Variants in KRT84 observed in about 807,000 individuals in gnomAD.
KRT84 encodes keratin, type II cuticular Hb4.
A neutral mutation model predicts 49.0 loss-of-function variants in KRT84; 38 were observed. The ratio of observed to expected loss-of-function variants is 0.78; its 90% CI spans 0.60 to 1.02. The LOEUF is 1.02. KRT84 is among the 50% of genes least tolerant of loss of function. KRT84 has a pLI of 0.00. For missense variants in KRT84, 860 were observed against 788.6 expected, an observed-to-expected ratio of 1.09 and a Z score of -1.08; for synonymous variants, 334 against 312.8, an observed-to-expected ratio of 1.07 and a Z score of -0.72.
intron 3 of KRT84, 150 bp from the exon 4 acceptor site, chr12:52,382,682 T>A: frequency 1.5e-6 from 1 of 648,460 alleles, no homozygotes. Context: ...TTTGCTCATT[T>A]CCCTATTACA....
intron 4 of KRT84, 21 bp downstream of exon 4, chr12:52,382,416 C>T: frequency 6.4e-7 from 1 of 1,554,740 alleles, no homozygotes; most frequent in South Asian, 1.1e-5. Context: ...CTTGGGTGCC[C>T]TAGAGAAGAT....
chr12:52,383,838 G>C, intron 1 of KRT84, 40 bp from the exon 2 acceptor site: 1 of 1,550,700 alleles, frequency 6.4e-7, no homozygotes, highest in Non-Finnish European at 8.8e-7. Flanking sequence ...TGAAGTGCTT[G>C]ATAGGGTTCA....
At chr12:52,379,780 C>A (rs1468218508) in intron 8 of KRT84, 96 bp downstream of exon 8, 3 of 990,440 alleles carry the variant, frequency 3.0e-6, no homozygotes, top group Non-Finnish European at 4.8e-6. Flanking sequence ...GCCAGACCGG[C>A]CATGTCGGAC....
At chr12:52,385,006 T>G in intron 1 of KRT84, 34 bp downstream of exon 1, 1 of 1,575,458 alleles carries the variant, frequency 6.3e-7, no homozygotes, top group East Asian at 2.2e-5. Context: ...GGCTGTAATA[T>G]TCCTAGACCC....
chr12:52,381,254 C>T, intron 5 of KRT84, 49 bp from the exon 6 acceptor site: 1 of 1,610,776 alleles, frequency 6.2e-7, no homozygotes, highest in Non-Finnish European at 8.5e-7. Flanking sequence ...AGGTCAGGAT[C>T]ACAGCCCCCA....
intron 2 of KRT84, 104 bp from the exon 3 acceptor site, chr12:52,383,169 A>T: frequency 1.1e-6 from 1 of 897,558 alleles, no homozygotes; most frequent in Non-Finnish European, 1.9e-6. Flanking sequence ...GTGCAGGATC[A>T]TGGTTCCCTA....
rs1217830684 is a variant in KRT84, at chr12:52,378,275, C to G, written c.1562G>C (p.Cys521Ser). Residue 521 changes from cysteine (C) to serine (S), a missense_variant, in exon 9 of 9, where the codon TGT becomes TCT. Cys to Ser is a moderately radical substitution (Grantham distance 112). Transcript: ENST00000257951. ...GGAAGCCAGGACCCCACTGGTGGCA[C>G]AGACGCTGCTGCTACCTGAGAAGGT... ...GVTFSGSSSVCATSGVLASCG... is the reference protein window; with the variant it reads ...GVTFSGSSSVSATSGVLASCG... The G allele has an allele frequency of 1.3e-6, 2 of 1,550,308 alleles. No homozygotes were observed. The highest frequency in any genetic ancestry group is 3.9e-5 in the Admixed American group (2 of 51,774).
chr12:52,380,498 A>G lies in KRT84; in HGVS notation c.1289T>C (p.Leu430Pro), dbSNP rs1455303405. ...LSDAKCKLAD[L>P]ECALQQAKQD... ...CTTGGCCTGCTGCAGGGCACACTCCAGATCTGCCAGCTTGCATTTGGCATC... is the reference window on the plus strand; with the variant it reads ...CTTGGCCTGCTGCAGGGCACACTCCGGATCTGCCAGCTTGCATTTGGCATC... The change falls in exon 7 of 9, where the codon CTG becomes CCG. Residue 430 changes from leucine to proline, a missense_variant. Physicochemically the swap from Leu to Pro is moderately conservative, Grantham distance 98. Coordinates refer to ENST00000257951, the MANE Select transcript of KRT84 (RefSeq NM_033045.4). 2 of 1,613,960 alleles carry G rather than the reference A, an allele frequency of 1.2e-6. No individual in the cohort carries two copies. Among genetic ancestry groups the G allele is most frequent in the Non-Finnish European group, 1.7e-6 (2 of 1,179,948 alleles).
Position 52,383,035 on chromosome 12 carries a change from A to T in KRT84, c.786T>A (p.Asn262Lys). The change falls in exon 3 of 9, where the codon AAT (asparagine) becomes AAA (lysine). Residue 262 changes from asparagine (N) to lysine (K), a missense_variant. Coordinates refer to ENST00000257951, the MANE Select transcript of KRT84 (RefSeq NM_033045.4). Reference sequence around the variant, plus strand: ...TCAGAGCCACAAACTCATTCTCAGCATTGGCCCGACATACCACTTCCTCTT... The same window carrying T: ...TCAGAGCCACAAACTCATTCTCAGCTTTGGCCCGACATACCACTTCCTCTT... The part of the protein sequence containing the change: ...KYEEEVVCRA[N>K]AENEFVALKK... 1.2e-6 allele frequency: 2 copies of T among 1,613,982 alleles called. No individual in the cohort carries two copies. The highest frequency in any genetic ancestry group is 1.3e-5 in the African/African-American group (1 of 75,014).
intron 1 of KRT84, 115 bp from the exon 2 acceptor site, chr12:52,383,913 T>A: frequency 1.2e-6 from 1 of 802,652 alleles, no homozygotes; most frequent in South Asian, 1.7e-5. Context: ...GGTTCTCTCC[T>A]CTGCTGACTT....
At position 52,382,493 on chromosome 12, in the gene KRT84, C is replaced by A; in HGVS notation, c.856G>T (p.Ala286Ser). Residue 286 changes from alanine to serine, a missense_variant, in exon 4 of 9, where the codon GCC (alanine) becomes TCC (serine). Coordinates refer to ENST00000257951, the MANE Select transcript of KRT84 (RefSeq NM_033045.4). ...AAFMNKSDLE[A>S]NVDTLTQEID... ...TCCTGAGTTAGGGTATCCACGTTGGCCTCGAGATCAGACTTGTTCATGAAA... is the reference window on the plus strand; with the variant it reads ...TCCTGAGTTAGGGTATCCACGTTGGACTCGAGATCAGACTTGTTCATGAAA... 1 of 1,614,088 alleles carries A rather than the reference C, an allele frequency of 6.2e-7. No individual in the cohort carries two copies. Among genetic ancestry groups the A allele is most frequent in the Non-Finnish European group, 8.5e-7 (1 of 1,179,966 alleles).
Position 52,381,131 on chromosome 12 carries a change from C to A in KRT84, c.1152G>T (p.Leu384=). 6.2e-7 allele frequency: 1 copy of A among 1,614,156 alleles called. No homozygotes were observed. Among genetic ancestry groups the A allele is most frequent in the Non-Finnish European group, 8.5e-7 (1 of 1,180,034 alleles). The change falls in exon 6 of 9, where the codon CTG becomes CTT. Residue 384 remains leucine (L), a synonymous_variant. Coordinates refer to ENST00000257951, the MANE Select transcript of KRT84 (RefSeq NM_033045.4). ...CCTTAAGCCTCTGGATCAGGCGGGT[C>A]AGTTCGTTGATCTCGTTCCGTATGT... ...LRNIRNEINE[L]TRLIQRLKAE... is the part of the protein sequence containing the mutation.
intron 8 of KRT84, 85 bp downstream of exon 8, chr12:52,379,791 G>A (rs1050938608): frequency 2.5e-5 from 28 of 1,120,936 alleles, no homozygotes; most frequent in Admixed American, 8.7e-5. Flanking sequence ...CATGTCGGAC[G>A]CCTCCTGACC....
Position 52,385,283 on chromosome 12 carries a change from G to T in KRT84, c.303C>A (p.Ser101Arg). The change falls in exon 1 of 9, where the codon AGC (serine) becomes AGA (arginine). Residue 101 changes from serine (S) to arginine (R), a missense_variant. Transcript: ENST00000257951. ...RGVGLGPRADSCVGLGFGAGS... is the reference protein window; with the variant it reads ...RGVGLGPRADRCVGLGFGAGS... ...CAGCTCCAAAGCCCAGACCAACACA[G>T]CTGTCAGCCCTAGGCCCCAGACCAA... 1 of 1,614,036 alleles carries T rather than the reference G, an allele frequency of 6.2e-7. No individual in the cohort carries two copies. Among genetic ancestry groups the T allele is most frequent in the South Asian group, 1.1e-5 (1 of 91,054 alleles).
chr12:52,378,133 G>A lies in KRT84; in HGVS notation c.1704C>T (p.Cys568=), dbSNP rs1939417207. ...ISEACVPSVP[C]PLPTQGGFSS... The stretch of plus-strand genomic sequence containing the variant: ...TGAAGCCCCCCTGGGTGGGCAGGGG[G>A]CAGGGGACGCTGGGGACACAGGCCT... The change falls in exon 9 of 9, where the codon TGC becomes TGT. Residue 568 remains cysteine, a synonymous_variant. Coordinates refer to ENST00000257951, the MANE Select transcript of KRT84 (RefSeq NM_033045.4). 4 of 1,561,434 alleles carry A rather than the reference G, an allele frequency of 2.6e-6. No homozygotes were observed. Among genetic ancestry groups the A allele is most frequent in the South Asian group, 2.4e-5 (2 of 82,406 alleles).
At position 52,381,215 on chromosome 12, in the gene KRT84, G is replaced by C. The variant is rs1166591271; in HGVS notation, c.1078-10C>G. 1 of 1,614,058 alleles carries C rather than the reference G, an allele frequency of 6.2e-7. No individual in the cohort carries two copies. Among genetic ancestry groups the C allele is most frequent in the East Asian group, 2.2e-5 (1 of 44,874 alleles). On this transcript the variant is annotated splice_polypyrimidine_tract_variant and intron_variant, in intron 5 of 8. Coordinates refer to ENST00000257951, the MANE Select transcript of KRT84 (RefSeq NM_033045.4). ...CCTGCATCTCTTCATACTGCGGAGA[G>C]AGGAGGGTATTTTGAGGGTTCGGAG...
intron 3 of KRT84, 33 bp from the exon 4 acceptor site, chr12:52,382,565 G>C (rs200591928): frequency 1.9e-6 from 3 of 1,539,822 alleles, no homozygotes; most frequent in Non-Finnish European, 1.8e-6. Flanking sequence ...AATACTCATC[G>C]CCTGGGCACT....
Position 52,385,200 on chromosome 12 carries a change from A to G in KRT84, c.386T>C (p.Val129Ala), listed in dbSNP as rs1219502130. 1 of 1,611,250 alleles carries G rather than the reference A, an allele frequency of 6.2e-7. No homozygotes were observed. The highest frequency in any genetic ancestry group is 8.5e-7 in the Non-Finnish European group (1 of 1,178,158). ...GATAGATGGGGCTGCTGGGACTCCAACCCCTCCAACTCTGTAACCAAAGCC... is the reference window on the plus strand; with the variant it reads ...GATAGATGGGGCTGCTGGGACTCCAGCCCCTCCAACTCTGTAACCAAAGCC... ...GPGFGYRVGGVGVPAAPSITA... is the reference protein window; with the variant it reads ...GPGFGYRVGGAGVPAAPSITA... Residue 129 changes from valine (V) to alanine (A), a missense_variant, in exon 1 of 9, where the codon GTT (valine) becomes GCT (alanine). Val to Ala is a moderately conservative substitution (Grantham distance 64, BLOSUM62 0). Transcript: ENST00000257951.
In KRT84 at chr12:52,381,452, T is replaced by C; in HGVS notation, c.986A>G (p.Asn329Ser). ...GACCTCAGCAATGATCCCATCAAGG[T>C]TCAGGTCACGGCTGTTGTCCATCTT... ...IVKMDNSRDL[N>S]LDGIIAEVKA... is the part of the protein sequence containing the mutation. The change falls in exon 5 of 9, where the codon AAC (asparagine) becomes AGC (serine). Residue 329 changes from asparagine (N) to serine (S), a missense_variant. Coordinates refer to ENST00000257951, the MANE Select transcript of KRT84 (RefSeq NM_033045.4). The C allele has an allele frequency of 6.2e-7, 1 of 1,614,144 alleles. No individual in the cohort carries two copies.
Sources: allele counts gnomAD v4.1 joint callset, GRCh38; gene constraint gnomAD v4.1.1; transcripts MANE v1.5; gene names NCBI Gene and HGNC (gene_info 2026-07-23, HGNC 2026-07-21).